CACNA1H: variants seen among roughly 807,000 people sequenced by gnomAD.
CACNA1H encodes the protein calcium voltage-gated channel subunit alpha1 H.
In CACNA1H, 149 loss-of-function variants were observed where a neutral mutation model predicts 192.5. The observed-to-expected ratio is 0.77, with a 90% CI of 0.68 to 0.89. The LOEUF (loss-of-function observed/expected upper bound fraction) is 0.89. Ranked by LOEUF, CACNA1H falls within the 40% of genes least tolerant of loss-of-function variation. CACNA1H has a pLI of 0.00. For missense variants in CACNA1H, 4,257 were observed against 3,423.5 expected (o/e 1.24, Z -6.08); for synonymous variants, 2,202 against 1,475.2 (o/e 1.49, Z -11.29).
chr16:1,200,389 A>G lies in CACNA1H; in HGVS notation c.937A>G (p.Met313Val), dbSNP rs36117280. ...CATCCCCGGCCGCCGCGAGCTGCGCATGCCCTGCACCCTGGGCTGGGAGGC... is the reference window on the plus strand; with the variant it reads ...CATCCCCGGCCGCCGCGAGCTGCGCGTGCCCTGCACCCTGGGCTGGGAGGC... ...SHIPGRRELR[M>V]PCTLGWEAYT... The change falls in exon 7 of 35, where the codon ATG (methionine) becomes GTG (valine). Residue 313 changes from methionine (M) to valine (V), a missense_variant. Coordinates refer to ENST00000348261, the MANE Select transcript of CACNA1H (RefSeq NM_021098.3). 235,703 of 1,605,316 alleles carry G rather than the reference A, an allele frequency of 0.15. 18,100 individuals carry two copies. The highest frequency in any genetic ancestry group is 0.17 in the South Asian group (15,317 of 90,540).
rs193285986 is a variant in CACNA1H, at chr16:1,185,416, C to T, written c.300-9556C>T. Among the ~76,000 whole-genome samples, 89 of 151,630 alleles carry T rather than the reference C, an allele frequency of 5.9e-4. 2 individuals are homozygous for T. In the East Asian group the frequency reaches 8.0e-3, roughly 14 times the overall value. On this transcript the variant is annotated intron_variant, in intron 2 of 34. Coordinates refer to ENST00000348261, the MANE Select transcript of CACNA1H (RefSeq NM_021098.3). ...CGGTTATCCGGAGCTTAGACGTGCC[C>T]GGGTGGCAGCTGGACTCCTGGACGG...
In CACNA1H at chr16:1,161,287, A is replaced by G. The variant is rs56033454; in HGVS notation, c.299+7251A>G. ...ATGTTGGCATTAATGAACGCTGTCA[A>G]CTGAGCCGGTGGCAGAGGTGGGGGC... On this transcript the variant is annotated intron_variant, in intron 2 of 34. Transcript: ENST00000348261. Among the ~76,000 whole-genome samples, 645 of 152,246 alleles carry G rather than the reference A, an allele frequency of 4.2e-3. 7 individuals carry two copies. Among genetic ancestry groups the G allele is most frequent in the African/African-American group, 0.015 (623 of 41,546 alleles).
chr16:1,203,816 C>T (rs1454222805), intron 9 of CACNA1H, among the ~76,000 whole-genome samples, 194 bp from the exon 10 acceptor site: 2 of 152,334 alleles, frequency 1.3e-5, no homozygotes, highest in East Asian at 1.9e-4. Flanking sequence ...TAGCTTCATT[C>T]CTCATTGTAA....
Position 1,153,970 on chromosome 16 carries a change from C to T in CACNA1H, c.233C>T (p.Thr78Met), listed in dbSNP as rs1473122688. 2.1e-6 allele frequency: 3 copies of T among 1,447,824 alleles called. No individual in the cohort carries two copies. Among genetic ancestry groups the T allele is most frequent in the African/African-American group, 1.5e-5 (1 of 67,568 alleles). The allele number at this position is 1,447,824 out of a possible 1,614,324, so 89.7% of individuals were successfully genotyped here. A position where few individuals can be genotyped will look rare whatever the true frequency, so the allele number is the denominator to read the frequency against. ...GTCCCGTACCCGGCCTTGGCGGCCA[C>T]GGTCTTCTTCTGCCTCGGTCAGACC... ...QRVPYPALAA[T>M]VFFCLGQTTR... Residue 78 changes from threonine (T) to methionine (M), a missense_variant, in exon 2 of 35, where the codon ACG becomes ATG. Physicochemically the swap from Thr to Met is moderately conservative, Grantham distance 81. Transcript: ENST00000348261.
In CACNA1H at chr16:1,197,213, C is replaced by T. The variant is rs183807226; in HGVS notation, c.643+1190C>T. Among the ~76,000 whole-genome samples the T allele has an allele frequency of 2.1e-3, 317 of 152,300 alleles. 3 individuals are homozygous for T. The highest frequency in any genetic ancestry group is 7.3e-3 in the African/African-American group (304 of 41,546). ...GTGTGACTCTGAGCAACTAGCTGAG[C>T]CTGAACCTCAGTTTCTCCTGGAATA... is the stretch of plus-strand genomic sequence containing the variant. On this transcript the variant is annotated intron_variant, in intron 5 of 34. Transcript: ENST00000348261.
intron 2 of CACNA1H, among the ~76,000 whole-genome samples, chr16:1,154,393 C>T (rs550062628): frequency 1.3e-5 from 2 of 152,218 alleles, no homozygotes; most frequent in South Asian, 2.1e-4. Flanking sequence ...ACGGGAATTT[C>T]CCCCTTGCCC....
intron 14 of CACNA1H, 75 bp from the exon 15 acceptor site, chr16:1,207,695 C>G: frequency 7.4e-7 from 1 of 1,344,730 alleles, no homozygotes; most frequent in Middle Eastern, 1.8e-4. Flanking sequence ...CCAGGCCAGC[C>G]CAGACTTCTG....
At chr16:1,169,690 T>TG (rs1964172157) in intron 2 of CACNA1H, among the ~76,000 whole-genome samples, 1 of 152,226 alleles carries the variant, frequency 6.6e-6, no homozygotes, top group African/African-American at 2.4e-5. Context: ...CACAGGCCGC[T>TG]GGGGGCAGCT....
Position 1,210,126 on chromosome 16 carries a change from C to T in CACNA1H, c.3836C>T (p.Pro1279Leu). The part of the protein sequence containing the change: ...REAWALYLFS[P>L]QNRFRVSCQK... ...GCCTGGGCCCTCTACCTCTTCTCCC[C>T]ACAGAACCGGTGAGGCGGCCGGGTC... The change falls in exon 18 of 35, where the codon CCA becomes CTA. Residue 1279 changes from proline (P) to leucine (L), a missense_variant. By Grantham distance (98) the Pro-to-Leu change is moderately conservative (BLOSUM62 -3). Coordinates refer to ENST00000348261, the MANE Select transcript of CACNA1H (RefSeq NM_021098.3). 1 of 1,557,122 alleles carries T rather than the reference C, an allele frequency of 6.4e-7. No individual in the cohort carries two copies. Among genetic ancestry groups the T allele is most frequent in the African/African-American group, 1.4e-5 (1 of 73,328 alleles).
Position 1,204,474 on chromosome 16 carries a change from G to A in CACNA1H, c.2451+16G>A. 2.6e-6 allele frequency: 4 copies of A among 1,514,894 alleles called. No individual in the cohort carries two copies. Among genetic ancestry groups the A allele is most frequent in the Non-Finnish European group, 3.5e-6 (4 of 1,131,348 alleles). The allele number at this position is 1,514,894 out of a possible 1,614,324, so 93.8% of individuals were successfully genotyped here. ...CCATGAGCAGGTGCGGGCTGGCCTGGCCACGGGGTGGGCTCCCTGTCAGGC... is the reference window on the plus strand; with the variant it reads ...CCATGAGCAGGTGCGGGCTGGCCTGACCACGGGGTGGGCTCCCTGTCAGGC... On this transcript the variant is annotated intron_variant, in intron 10 of 34. Transcript: ENST00000348261.
At position 1,200,387 on chromosome 16, in the gene CACNA1H, G is replaced by T. The variant is rs1208640164; in HGVS notation, c.935G>T (p.Arg312Leu). The T allele has an allele frequency of 5.0e-6, 8 of 1,605,448 alleles. No individual in the cohort carries two copies. Among genetic ancestry groups the T allele is most frequent in the African/African-American group, 1.3e-5 (1 of 74,858 alleles). The change falls in exon 7 of 35, where the codon CGC (arginine) becomes CTC (leucine). Residue 312 changes from arginine to leucine, a missense_variant. Transcript: ENST00000348261. ...CACATCCCCGGCCGCCGCGAGCTGC[G>T]CATGCCCTGCACCCTGGGCTGGGAG... ...CSHIPGRREL[R>L]MPCTLGWEAY... is the part of the protein sequence containing the mutation.
chr16:1,211,327 C>G, intron 22 of CACNA1H, 33 bp downstream of exon 22: 1 of 1,611,936 alleles, frequency 6.2e-7, no homozygotes, highest in Non-Finnish European at 8.5e-7. Context: ...GGGGTCTGCC[C>G]CGTCGCAGAC....
At chr16:1,160,781 C>T (rs547762052) in intron 2 of CACNA1H, among the ~76,000 whole-genome samples, 8 of 152,278 alleles carry the variant, frequency 5.3e-5, no homozygotes, top group South Asian at 2.1e-4. Flanking sequence ...GGTCGCTTGC[C>T]GGGAGCGGGA....
At chr16:1,161,177 C>G (rs1014534091) in intron 2 of CACNA1H, among the ~76,000 whole-genome samples, 2 of 152,220 alleles carry the variant, frequency 1.3e-5, no homozygotes, top group African/African-American at 2.4e-5. Context: ...TGACCCTGGG[C>G]TGCTGGTGGT....
chr16:1,196,929 A>G (rs1967051977), intron 5 of CACNA1H, among the ~76,000 whole-genome samples: 1 of 152,010 alleles, frequency 6.6e-6, no homozygotes, highest in African/African-American at 2.4e-5. Context: ...CTGCGTGTAG[A>G]TGTGGCCCCG....
chr16:1,163,351 T>G (rs1311632263), intron 2 of CACNA1H, among the ~76,000 whole-genome samples: 2 of 152,126 alleles, frequency 1.3e-5, no homozygotes, highest in African/African-American at 4.8e-5. Context: ...GGTGTGGAGC[T>G]ACGAGTCTCC....
intron 19 of CACNA1H, 29 bp from the exon 20 acceptor site, chr16:1,210,554 C>G: frequency 6.2e-7 from 1 of 1,609,918 alleles, no homozygotes; most frequent in East Asian, 2.2e-5. Flanking sequence ...GTGGAGTGGA[C>G]ACAGCCCCCC....
intron 34 of CACNA1H, 43 bp downstream of exon 34, chr16:1,219,173 G>A: frequency 8.1e-6 from 12 of 1,480,144 alleles, no homozygotes; most frequent in Non-Finnish European, 1.1e-5. Context: ...GGCGGGGATG[G>A]GGGGCTTGCA....
At position 1,220,959 on chromosome 16, in the gene CACNA1H, C is replaced by T. The variant is rs1299264132; in HGVS notation, c.7027C>T (p.Pro2343Ser). ...LEKPGSPSATPAPGGGADDPV is the reference protein window; with the variant it reads ...LEKPGSPSATSAPGGGADDPV The stretch of plus-strand genomic sequence containing the variant: ...GAAACCAGGGTCCCCCTCAGCCACC[C>T]CTGCCCCAGGGGGTGGTGCAGATGA... The change falls in exon 35 of 35, where the codon CCT becomes TCT. Residue 2343 changes from proline to serine, a missense_variant. Physicochemically the swap from Pro to Ser is moderately conservative, Grantham distance 74. Transcript: ENST00000348261. The T allele has an allele frequency of 6.2e-7, 1 of 1,605,040 alleles. No individual in the cohort carries two copies. The highest frequency in any genetic ancestry group is 8.5e-7 in the Non-Finnish European group (1 of 1,175,604).
Sources: allele counts gnomAD v4.1 joint callset (sites outside exome capture counted in the v4.1 genomes callset), GRCh38; gene constraint gnomAD v4.1.1; transcripts MANE v1.5; gene names NCBI Gene and HGNC (gene_info 2026-07-23, HGNC 2026-07-21).